The following CAMK4 variants were observed in gnomAD, a reference collection of about 807,000 sequenced individuals.
CAMK4 encodes calcium/calmodulin-dependent protein kinase type IV.
CAMK4 carries 22 observed loss-of-function variants against 44.9 expected under a neutral mutation model. That is an observed-to-expected ratio of 0.49 (90% confidence interval 0.35 to 0.70). The LOEUF (loss-of-function observed/expected upper bound fraction) is 0.70, where lower values mean the gene tolerates loss of function less well. Among genes scored for constraint, CAMK4 ranks in the 30% least tolerant of loss-of-function variants. CAMK4 has a pLI of 0.01. For missense variants in CAMK4, 498 were observed against 586.8 expected (o/e 0.85, Z 1.56); for synonymous variants, 218 against 215.4 (o/e 1.01, Z -0.11).
intron 1 of CAMK4, among the ~76,000 whole-genome samples, chr5:111,308,557 A>C (rs915318026): frequency 3.3e-5 from 5 of 152,220 alleles, no homozygotes; most frequent in African/African-American, 1.2e-4. Context: ...TAATTTTGGG[A>C]GCAATCCTTT....
chr5:111,348,246 G>A (rs893416358), intron 2 of CAMK4, among the ~76,000 whole-genome samples: 6 of 151,950 alleles, frequency 3.9e-5, no homozygotes, highest in African/African-American at 1.4e-4. Context: ...AAAAAACCCT[G>A]AGCTTCAATG....
chr5:111,354,998 G>A (rs891099443), intron 2 of CAMK4, among the ~76,000 whole-genome samples: 1 of 152,112 alleles, frequency 6.6e-6, no homozygotes, highest in African/African-American at 2.4e-5. Context: ...TGAAAGATAT[G>A]CATCTATTGT....
At chr5:111,254,715 C>G in intron 1 of CAMK4, among the ~76,000 whole-genome samples, 1 of 152,192 alleles carries the variant, frequency 6.6e-6, no homozygotes, top group Non-Finnish European at 1.5e-5. Flanking sequence ...GGAGTTGTTT[C>G]TGCTAATCCC....
rs538986995 is a variant in CAMK4, at chr5:111,384,290, T to A, written c.386+7348T>A. On this transcript the variant is annotated intron_variant, in intron 4 of 10. Transcript: ENST00000282356. ...ATTACTGGCTTACTCCTTCATATCA[T>A]TCATGGAGTTTTGGACAGCGTCTCT... Among the ~76,000 whole-genome samples, 107 of 152,280 alleles carry A rather than the reference T, an allele frequency of 7.0e-4. 3 individuals are homozygous for A. In the Middle Eastern group the frequency reaches 0.014, roughly 19 times the overall value.
intron 5 of CAMK4, among the ~76,000 whole-genome samples, chr5:111,410,287 G>A (rs776974968): frequency 3.3e-5 from 5 of 152,266 alleles, no homozygotes; most frequent in South Asian, 2.1e-4. Context: ...CTCACATGGC[G>A]ACAGTCAAGA....
Position 111,340,566 on chromosome 5 carries a change from T to C in CAMK4, c.162-3458T>C, listed in dbSNP as rs993647971. 4.0e-5 allele frequency among the ~76,000 whole-genome samples: 6 copies of C among 151,350 alleles called. No homozygotes were observed. The South Asian group carries it at 1.2e-3, about 31-fold the overall frequency. ...TTTTCATCCCAAGGGTAAATAACAC[T>C]TGACCATGATGAATGAGCCTTTCAA... On this transcript the variant is annotated intron_variant, in intron 1 of 10. Coordinates refer to ENST00000282356, the MANE Select transcript of CAMK4 (RefSeq NM_001744.6).
rs1002225263 is a variant in CAMK4, at chr5:111,434,780, T to C, written c.460-11906T>C. ...TACTTAAATTTATGTGTACTCACTC[T>C]AATTTTTTTGAGTAGAAAAGAGTAA... is the stretch of plus-strand genomic sequence containing the variant. On this transcript the variant is annotated intron_variant, in intron 5 of 10. Transcript: ENST00000282356. Among the ~76,000 whole-genome samples, 7 of 152,250 alleles carry C rather than the reference T, an allele frequency of 4.6e-5. No individual in the cohort carries two copies. The East Asian group carries it at 1.3e-3, about 29-fold the overall frequency.
At chr5:111,405,312 A>G (rs1023314786) in intron 5 of CAMK4, among the ~76,000 whole-genome samples, 3 of 152,148 alleles carry the variant, frequency 2.0e-5, no homozygotes, top group Admixed American at 6.5e-5. Flanking sequence ...TACTAAAAAT[A>G]CAAAAATTAG....
intron 2 of CAMK4, among the ~76,000 whole-genome samples, chr5:111,354,154 G>A (rs1400226560): frequency 6.6e-6 from 1 of 152,096 alleles, no homozygotes; most frequent in Non-Finnish European, 1.5e-5. Context: ...GATCTTGGAG[G>A]ACACTATGCT....
chr5:111,474,779 A>C (rs1160072916), intron 8 of CAMK4, among the ~76,000 whole-genome samples: 1 of 152,226 alleles, frequency 6.6e-6, no homozygotes, highest in Non-Finnish European at 1.5e-5. Flanking sequence ...CCAAGACAGA[A>C]AGGTTTAACA....
intron 2 of CAMK4, among the ~76,000 whole-genome samples, chr5:111,364,428 G>A (rs76990270): frequency 1.4e-3 from 207 of 152,146 alleles, no homozygotes; most frequent in African/African-American, 5.0e-3. Flanking sequence ...ATATCTCCCA[G>A]GAATATTTTA....
At chr5:111,284,254 T>G (rs1413173936) in intron 1 of CAMK4, among the ~76,000 whole-genome samples, 1 of 152,260 alleles carries the variant, frequency 6.6e-6, no homozygotes, top group Non-Finnish European at 1.5e-5. Flanking sequence ...GACATTTTTT[T>G]TAAGTTATGT....
intron 1 of CAMK4, among the ~76,000 whole-genome samples, chr5:111,286,244 C>T (rs909164280): frequency 3.3e-5 from 5 of 152,184 alleles, no homozygotes; most frequent in Non-Finnish European, 5.9e-5. Context: ...TAATTCTTAG[C>T]ATCTTCGTAA....
chr5:111,458,331 TA>T (rs1754493083), intron 7 of CAMK4, among the ~76,000 whole-genome samples: 1 of 152,194 alleles, frequency 6.6e-6, no homozygotes, highest in African/African-American at 2.4e-5. Context: ...GAGCTTAGTT[TA>T]AGCTGTGTTA....
rs575602812 is a variant in CAMK4, at chr5:111,442,689, C to A, written c.460-3997C>A. The stretch of plus-strand genomic sequence containing the variant: ...GAAATTTACAAAACTGAAAGACTAG[C>A]ACTCTACTAATTTTTTGTTTTAGAA... On this transcript the variant is annotated intron_variant, in intron 5 of 10. Coordinates refer to ENST00000282356, the MANE Select transcript of CAMK4 (RefSeq NM_001744.6). 2.7e-5 allele frequency among the ~76,000 whole-genome samples: 4 copies of A among 149,196 alleles called. No individual in the cohort carries two copies. The East Asian group carries it at 7.8e-4, about 29-fold the overall frequency.
intron 7 of CAMK4, among the ~76,000 whole-genome samples, chr5:111,450,452 T>C (rs1754187709): frequency 6.6e-6 from 1 of 151,484 alleles, no homozygotes; most frequent in Admixed American, 6.6e-5. Flanking sequence ...GAGATGCTTT[T>C]CCTGCCCTTA....
chr5:111,326,691 AAG>A lies in CAMK4; in HGVS notation c.162-17330_162-17329del, dbSNP rs36108491. On this transcript the variant is annotated intron_variant, in intron 1 of 10. Coordinates refer to ENST00000282356, the MANE Select transcript of CAMK4 (RefSeq NM_001744.6). ...GTGTGTAAAGCTATAAATAAAAAAA[AAG>A]AGTACAAAGAAACATTCTGTGAATG... Among the ~76,000 whole-genome samples, 915 of 151,622 alleles carry A rather than the reference AAG, an allele frequency of 6.0e-3. 5 individuals are homozygous for A. The highest frequency in any genetic ancestry group is 0.021 in the African/African-American group (880 of 41,342).
At chr5:111,340,768 C>T (rs1051771383) in intron 1 of CAMK4, among the ~76,000 whole-genome samples, 32 of 150,906 alleles carry the variant, frequency 2.1e-4, no homozygotes, top group Admixed American at 2.7e-4. Context: ...GAGTTTGAGA[C>T]GGATTGGTAT....
intron 5 of CAMK4, among the ~76,000 whole-genome samples, chr5:111,436,232 G>T (rs1166492494): frequency 6.6e-6 from 1 of 152,120 alleles, no homozygotes; most frequent in Non-Finnish European, 1.5e-5. Flanking sequence ...GTTTATCTTA[G>T]AAATACGTAC....
Sources: gnomAD v4.1 joint callset for allele counts (sites outside exome capture counted in the v4.1 genomes callset) on GRCh38, gnomAD v4.1.1 for gene constraint, MANE v1.5 for transcripts, NCBI Gene and HGNC (gene_info 2026-07-23, HGNC 2026-07-21) for gene names.